QTMAN: variants seen among roughly 807,000 people sequenced by gnomAD.
The protein encoded by QTMAN is tRNA-queuosine alpha-mannosyltransferase.
the QTMAN span, among the ~76,000 whole-genome samples, chr2:144,259,307 C>T: frequency 3.3e-5 from 5 of 152,222 alleles, no homozygotes; most frequent in Admixed American, 1.3e-4. Flanking sequence ...TACAGACACA[C>T]GTCACCTCAC....
chr2:143,977,078 C>T, the QTMAN span, among the ~76,000 whole-genome samples: 7 of 152,168 alleles, frequency 4.6e-5, no homozygotes, highest in South Asian at 2.1e-4. Flanking sequence ...GAATACAATA[C>T]GCTCTCATTC....
chr2:144,276,167 G>A, the QTMAN span, among the ~76,000 whole-genome samples: 1 of 151,908 alleles, frequency 6.6e-6, no homozygotes, highest in Non-Finnish European at 1.5e-5. Context: ...GTCTACTCAA[G>A]GCAATTATTT....
chr2:144,107,815 A>G, the QTMAN span, among the ~76,000 whole-genome samples: 1 of 152,228 alleles, frequency 6.6e-6, no homozygotes, highest in Non-Finnish European at 1.5e-5. Context: ...AGAGAATTTT[A>G]GGTCAATATC....
chr2:143,941,099 C>T, the QTMAN span: 4 of 152,192 alleles, frequency 2.6e-5, no homozygotes, highest in Non-Finnish European at 4.4e-5. Flanking sequence ...TGCTCAACCA[C>T]AGCCTACTGA....
At chr2:144,058,167 CACAAAG>C in the QTMAN span, among the ~76,000 whole-genome samples, 1 of 139,612 alleles carries the variant, frequency 7.2e-6, no homozygotes, top group Non-Finnish European at 1.5e-5. Flanking sequence ...CACACACACA[CACAAAG>C]AAACTTTTGG....
chr2:143,961,298 C>T, the QTMAN span, among the ~76,000 whole-genome samples: 1 of 152,058 alleles, frequency 6.6e-6, no homozygotes, highest in African/African-American at 2.4e-5. Flanking sequence ...GCAGGCCTTC[C>T]CCCATAGTCT....
chr2:144,190,826 A>AC, the QTMAN span, among the ~76,000 whole-genome samples: 1 of 152,314 alleles, frequency 6.6e-6, no homozygotes, highest in South Asian at 2.1e-4. Flanking sequence ...GTCAAGCAAT[A>AC]CAACCTGAAA....
At chr2:144,151,313 C>G in the QTMAN span, among the ~76,000 whole-genome samples, 1 of 152,050 alleles carries the variant, frequency 6.6e-6, no homozygotes, top group Non-Finnish European at 1.5e-5. Context: ...CCAACTAGGG[C>G]ATGATTTTTA....
the QTMAN span, among the ~76,000 whole-genome samples, chr2:144,016,809 G>A: frequency 6.6e-6 from 1 of 152,136 alleles, no homozygotes; most frequent in Non-Finnish European, 1.5e-5. Context: ...GGCGGAAAAA[G>A]GGCAATGGGA....
chr2:144,131,958 G>A, the QTMAN span, among the ~76,000 whole-genome samples: 1 of 151,798 alleles, frequency 6.6e-6, no homozygotes, highest in East Asian at 1.9e-4. Flanking sequence ...TTATGATTAT[G>A]CCCAAAGCTT....
chr2:144,188,581 G>A, the QTMAN span, among the ~76,000 whole-genome samples: 1 of 152,076 alleles, frequency 6.6e-6, no homozygotes, highest in African/African-American at 2.4e-5. Flanking sequence ...ATGGATGGGT[G>A]ATGGACATTT....
chr2:143,974,709 GT>G, the QTMAN span, among the ~76,000 whole-genome samples: 7 of 148,194 alleles, frequency 4.7e-5, no homozygotes, highest in African/African-American at 9.9e-5. Context: ...CTTTCTTTTT[GT>G]TTTTTTTTGC....
the QTMAN span, among the ~76,000 whole-genome samples, chr2:144,227,066 A>C: frequency 6.6e-6 from 1 of 152,192 alleles, no homozygotes; most frequent in Non-Finnish European, 1.5e-5. Flanking sequence ...AAGAATTTAA[A>C]AACATATATA....
chr2:144,216,541 T>C, the QTMAN span, among the ~76,000 whole-genome samples: 1 of 152,216 alleles, frequency 6.6e-6, no homozygotes, highest in African/African-American at 2.4e-5. Context: ...GATTTCCTAT[T>C]ATTCCTGAAG....
At chr2:144,071,936 G>C in the QTMAN span, among the ~76,000 whole-genome samples, 1 of 152,106 alleles carries the variant, frequency 6.6e-6, no homozygotes, top group Non-Finnish European at 1.5e-5. Context: ...TTGTAGACAA[G>C]AATAAAGCCA....
At chr2:144,252,191 A>G in the QTMAN span, among the ~76,000 whole-genome samples, 1 of 152,122 alleles carries the variant, frequency 6.6e-6, no homozygotes, top group African/African-American at 2.4e-5. Context: ...ACAAAGCAAG[A>G]CCCTGTCTCT....
chr2:144,217,168 G>T, the QTMAN span, among the ~76,000 whole-genome samples: 9 of 152,156 alleles, frequency 5.9e-5, no homozygotes, highest in South Asian at 1.7e-3. Context: ...GAGAAGTCAA[G>T]GTGTGTTCAG....
chr2:144,032,801 G>A, the QTMAN span, among the ~76,000 whole-genome samples: 13 of 152,170 alleles, frequency 8.5e-5, no homozygotes, highest in African/African-American at 3.1e-4. Context: ...TGCAAGTAGA[G>A]AAACTACTTT....
the QTMAN span, among the ~76,000 whole-genome samples, chr2:144,298,082 G>T: frequency 2.0e-5 from 3 of 150,436 alleles, no homozygotes; most frequent in East Asian, 2.0e-4. Context: ...GCAATGGCGC[G>T]ATCTCGGCTC....
Sources: allele counts gnomAD v4.1 joint callset (sites outside exome capture counted in the v4.1 genomes callset), GRCh38; gene constraint gnomAD v4.1.1; transcripts MANE v1.5; gene names NCBI Gene and HGNC (gene_info 2026-07-23, HGNC 2026-07-21).